The following EPHA6 variants were observed in gnomAD, a reference collection of about 807,000 sequenced individuals.
EPHA6 encodes EPH receptor A6, also known as ephrin type-A receptor 6.
Under a neutral mutation model 112.0 loss-of-function variants are expected in EPHA6, and 50 were observed. That is an observed-to-expected ratio of 0.45 (90% CI 0.36 to 0.56). The LOEUF (loss-of-function observed/expected upper bound fraction) is 0.56. Ranked by LOEUF, EPHA6 falls within the 20% of genes least tolerant of loss-of-function variation. The pLI is 0.00. For missense variants in EPHA6, 1,280 were observed against 1,417.4 expected, an observed-to-expected ratio of 0.90 and a Z score of 1.56; for synonymous variants, 529 against 490.7, an observed-to-expected ratio of 1.08 and a Z score of -1.03.
intron 10 of EPHA6, among the ~76,000 whole-genome samples, chr3:97,496,303 A>G (rs1426596572): frequency 2.0e-5 from 3 of 152,130 alleles, no homozygotes; most frequent in Non-Finnish European, 4.4e-5. Flanking sequence ...TGTCTTTACC[A>G]TTAATAGTAG....
chr3:97,375,461 C>A (rs2085296810), intron 5 of EPHA6, among the ~76,000 whole-genome samples: 1 of 152,054 alleles, frequency 6.6e-6, no homozygotes, highest in Non-Finnish European at 1.5e-5. Flanking sequence ...AGCTATTGAG[C>A]ATTATTTATT....
At chr3:97,386,797 C>A (rs1409521319) in intron 5 of EPHA6, among the ~76,000 whole-genome samples, 1 of 152,228 alleles carries the variant, frequency 6.6e-6, no homozygotes, top group African/African-American at 2.4e-5. Flanking sequence ...TCCATGATGG[C>A]TCTTCCCCTG....
At chr3:97,163,668 A>T (rs1455889632) in intron 3 of EPHA6, among the ~76,000 whole-genome samples, 14 of 152,136 alleles carry the variant, frequency 9.2e-5, no homozygotes, top group African/African-American at 3.4e-4. Context: ...AGACCATTAC[A>T]GTCTCCACAG....
At chr3:97,601,399 G>A (rs559522134) in intron 12 of EPHA6, among the ~76,000 whole-genome samples, 33 of 152,184 alleles carry the variant, frequency 2.2e-4, no homozygotes, top group African/African-American at 7.7e-4. Context: ...CCTCTCCAGA[G>A]AGCCATGTTG....
intron 1 of EPHA6, among the ~76,000 whole-genome samples, chr3:96,828,135 CCCA>C (rs2033786431): frequency 6.6e-6 from 1 of 151,844 alleles, no homozygotes; most frequent in African/African-American, 2.4e-5. Flanking sequence ...ATCAGTTGCC[CCCA>C]TCCCTGCAAA....
chr3:97,221,239 G>A (rs1482366747), intron 3 of EPHA6, among the ~76,000 whole-genome samples: 1 of 135,418 alleles, frequency 7.4e-6, no homozygotes, highest in Non-Finnish European at 1.5e-5. Flanking sequence ...GAACCAGGGA[G>A]TTGAAGGTTG....
At position 97,527,212 on chromosome 3, in the gene EPHA6, G is replaced by A. The variant is rs1027461873; in HGVS notation, c.2201-5146G>A. ...TTTGGAAGCAGGCTCAAGCACAAAC[G>A]GAGCTGTAACTAAACCCTTTGGAAA... On this transcript the variant is annotated intron_variant, in intron 10 of 17. Transcript: ENST00000389672. Among the ~76,000 whole-genome samples the A allele has an allele frequency of 3.3e-5, 5 of 152,180 alleles. No homozygotes were observed. In the South Asian group the frequency reaches 6.2e-4, roughly 19 times the overall value.
In EPHA6 at chr3:97,405,692, A is replaced by G. The variant is rs191453565; in HGVS notation, c.1731+418A>G. 9.2e-5 allele frequency among the ~76,000 whole-genome samples: 14 copies of G among 152,244 alleles called. No individual in the cohort carries two copies. The East Asian group carries it at 2.7e-3, about 29-fold the overall frequency. ...ATCCTTTGCCAGTGTGTTTAGAGTT[A>G]CAGTCGGCTATAATTTGGAAAGTAT... On this transcript the variant is annotated intron_variant, in intron 6 of 17. Transcript: ENST00000389672.
chr3:97,166,356 G>A (rs1308362715), intron 3 of EPHA6, among the ~76,000 whole-genome samples: 1 of 149,896 alleles, frequency 6.7e-6, no homozygotes, highest in Non-Finnish European at 1.5e-5. Context: ...CTGAAAGTAT[G>A]TACTTGTTTT....
At chr3:97,212,418 G>A (rs1421342126) in intron 3 of EPHA6, among the ~76,000 whole-genome samples, 2 of 152,112 alleles carry the variant, frequency 1.3e-5, no homozygotes, top group African/African-American at 4.8e-5. Context: ...TATGTTGTAT[G>A]AGTATTATTA....
At chr3:96,927,578 A>G (rs922652009) in intron 2 of EPHA6, among the ~76,000 whole-genome samples, 3 of 152,136 alleles carry the variant, frequency 2.0e-5, no homozygotes, top group African/African-American at 7.2e-5. Context: ...GTCTTTGCTA[A>G]AGCATAGTAA....
In EPHA6 at chr3:96,946,846, G is replaced by T. The variant is rs561738849; in HGVS notation, c.451-40484G>T. Among the ~76,000 whole-genome samples, 11 of 152,240 alleles carry T rather than the reference G, an allele frequency of 7.2e-5. No homozygotes were observed. The South Asian group carries it at 2.1e-3, about 29-fold the overall frequency. On this transcript the variant is annotated intron_variant, in intron 2 of 17. Coordinates refer to ENST00000389672, the MANE Select transcript of EPHA6 (RefSeq NM_001080448.3). The stretch of plus-strand genomic sequence containing the variant: ...TCCTCTCAAGCACCTGTTGTTTCCT[G>T]ACTTTTTAATGATCACCATTCCAAT...
At position 97,759,441 on chromosome 3, in the gene EPHA6, ATTGTC is replaced by A. The variant is rs1264551697; in HGVS notation, c.*10745_*10749del. ...ATAGCTGGAGAAAGGAAGTCAAGGA[ATTGTC>A]TTGTTTTTTAAGGATGCTACAGCAT... On this transcript the variant is annotated 3_prime_UTR_variant, in exon 18 of 18. Coordinates refer to ENST00000389672, the MANE Select transcript of EPHA6 (RefSeq NM_001080448.3). The A allele has an allele frequency of 2.6e-5, 6 of 227,462 alleles. No homozygotes were observed. The highest frequency in any genetic ancestry group is 4.4e-5 in the Non-Finnish European group (5 of 114,452). 14.1% of individuals were successfully genotyped at this position (227,462 alleles called of 1,614,324 possible). A position where few individuals can be genotyped will look rare whatever the true frequency, so the allele number is the denominator to read the frequency against.
chr3:97,044,750 C>T (rs1040579040), intron 3 of EPHA6, among the ~76,000 whole-genome samples: 5 of 151,802 alleles, frequency 3.3e-5, no homozygotes, highest in African/African-American at 7.3e-5. Flanking sequence ...TGCGGGACAC[C>T]GACTCAATTG....
intron 2 of EPHA6, among the ~76,000 whole-genome samples, chr3:96,907,807 TCATAGTACCCTTCAAATA>T (rs1559820747): frequency 6.6e-6 from 1 of 151,938 alleles, no homozygotes. Context: ...TGTCAAAAGT[TCATAGTACCCTTCAAATA>T]CATAGGTTAA....
intron 14 of EPHA6, among the ~76,000 whole-genome samples, chr3:97,652,692 G>A (rs1356679866): frequency 6.6e-6 from 1 of 151,972 alleles, no homozygotes; most frequent in African/African-American, 2.4e-5. Flanking sequence ...GCAGACATGA[G>A]GCAGCAAGCC....
chr3:97,322,277 T>C (rs1559881355), intron 5 of EPHA6, among the ~76,000 whole-genome samples: 1 of 152,046 alleles, frequency 6.6e-6, no homozygotes, highest in East Asian at 1.9e-4. Context: ...TTTGTACCAC[T>C]AGCTAAAGTA....
At chr3:97,201,386 T>G (rs1398739287) in intron 3 of EPHA6, among the ~76,000 whole-genome samples, 1 of 152,116 alleles carries the variant, frequency 6.6e-6, no homozygotes, top group Non-Finnish European at 1.5e-5. Context: ...TTTTTCATAG[T>G]TACAGTCAAT....
At chr3:97,348,524 A>G (rs947753123) in intron 5 of EPHA6, among the ~76,000 whole-genome samples, 1 of 151,646 alleles carries the variant, frequency 6.6e-6, no homozygotes, top group Non-Finnish European at 1.5e-5. Context: ...AGGTTACTTG[A>G]GAATAGTTAT....
Sources: allele counts gnomAD v4.1 joint callset (sites outside exome capture counted in the v4.1 genomes callset), GRCh38; gene constraint gnomAD v4.1.1; transcripts MANE v1.5; gene names NCBI Gene and HGNC (gene_info 2026-07-23, HGNC 2026-07-21).